The following VWC2L variants were observed in gnomAD, a reference collection of about 807,000 sequenced individuals.
VWC2L encodes the protein von Willebrand factor C domain containing 2 like.
VWC2L carries 10 observed loss-of-function variants against 21.6 expected under a neutral mutation model. The observed-to-expected ratio is 0.46, with a 90% confidence interval of 0.29 to 0.78. The LOEUF is 0.78. VWC2L is among the 30% of genes least tolerant of loss of function. The probability of loss-of-function intolerance (pLI) is 0.10; values close to 1 mark genes in which losing one functional copy is unlikely to be tolerated. For synonymous variants in VWC2L, 96 were observed against 94.3 expected (o/e 1.02, Z -0.10); for missense variants, 209 against 277.1 (o/e 0.75, Z 1.74).
At chr2:214,570,618 C>T (rs887253956) in intron 3 of VWC2L, among the ~76,000 whole-genome samples, 9 of 152,102 alleles carry the variant, frequency 5.9e-5, no homozygotes, top group Non-Finnish European at 1.5e-5. Context: ...CCACCTTGAC[C>T]TCCTAAAGTG....
chr2:214,417,346 G>A (rs201746260), intron 2 of VWC2L, among the ~76,000 whole-genome samples: 75 of 107,660 alleles, frequency 7.0e-4, no homozygotes, highest in Non-Finnish European at 1.3e-3. Flanking sequence ...GAAGAGAGAA[G>A]GGGGAAAAAG....
At chr2:214,566,773 T>C (rs73987410) in intron 3 of VWC2L, among the ~76,000 whole-genome samples, 6,870 of 152,246 alleles carry the variant, frequency 0.045, 528 homozygotes, top group African/African-American at 0.16. Context: ...CTTAGTACAA[T>C]TTTAACTGCA....
intron 3 of VWC2L, among the ~76,000 whole-genome samples, chr2:214,441,388 A>C (rs1363373353): frequency 2.0e-5 from 3 of 152,056 alleles, no homozygotes; most frequent in African/African-American, 7.2e-5. Flanking sequence ...AAGAAAATGA[A>C]TTGTCTAATA....
chr2:214,496,153 T>C (rs943035064), intron 3 of VWC2L, among the ~76,000 whole-genome samples: 1 of 147,428 alleles, frequency 6.8e-6, no homozygotes, highest in East Asian at 2.0e-4. Context: ...AGTATAATAC[T>C]ATAGTGAATA....
chr2:214,431,143 A>G (rs1046332357), intron 2 of VWC2L, among the ~76,000 whole-genome samples: 1 of 152,228 alleles, frequency 6.6e-6, no homozygotes, highest in African/African-American at 2.4e-5. Flanking sequence ...GTGGATGCTA[A>G]ATACTTTTGC....
intron 3 of VWC2L, among the ~76,000 whole-genome samples, chr2:214,459,484 C>G (rs1474280128): frequency 6.6e-6 from 1 of 152,176 alleles, no homozygotes; most frequent in African/African-American, 2.4e-5. Context: ...ATTGTTCCCA[C>G]TTGTTGGTTT....
chr2:214,440,892 T>A (rs1456373995), intron 3 of VWC2L, among the ~76,000 whole-genome samples: 1 of 152,162 alleles, frequency 6.6e-6, no homozygotes. Flanking sequence ...ATTAGCTGGT[T>A]TGTCAGTGAG....
intron 3 of VWC2L, among the ~76,000 whole-genome samples, chr2:214,541,923 T>C (rs553090303): frequency 3.6e-4 from 54 of 151,584 alleles, no homozygotes; most frequent in African/African-American, 1.2e-3. Flanking sequence ...TTTTTTTTTT[T>C]CCCAGAGGTA....
At chr2:214,484,251 A>AG (rs1688645763) in intron 3 of VWC2L, among the ~76,000 whole-genome samples, 1 of 152,172 alleles carries the variant, frequency 6.6e-6, no homozygotes, top group Admixed American at 6.5e-5. Flanking sequence ...GAGGTGCTGA[A>AG]TGGACAAATT....
At chr2:214,499,921 G>A (rs958202191) in intron 3 of VWC2L, among the ~76,000 whole-genome samples, 1 of 152,226 alleles carries the variant, frequency 6.6e-6, no homozygotes, top group Non-Finnish European at 1.5e-5. Flanking sequence ...AAAGTAGGGA[G>A]AGTGAGTTTA....
intron 3 of VWC2L, among the ~76,000 whole-genome samples, chr2:214,543,945 T>G (rs894370168): frequency 6.6e-6 from 1 of 152,216 alleles, no homozygotes; most frequent in African/African-American, 2.4e-5. Context: ...TCTATGAAGA[T>G]CAGAAGGATC....
At chr2:214,501,481 G>A (rs1469680567) in intron 3 of VWC2L, among the ~76,000 whole-genome samples, 2 of 152,110 alleles carry the variant, frequency 1.3e-5, no homozygotes, top group Non-Finnish European at 2.9e-5. Flanking sequence ...CCAGCATTTT[G>A]GGAGTCCGAG....
At chr2:214,467,656 T>A (rs1214051534) in intron 3 of VWC2L, among the ~76,000 whole-genome samples, 2 of 152,170 alleles carry the variant, frequency 1.3e-5, no homozygotes, top group African/African-American at 4.8e-5. Context: ...CAACTTGTAT[T>A]TTTTAACAGA....
In VWC2L at chr2:214,411,375, T is replaced by C. The variant is rs1702266499; in HGVS notation, c.-492T>C. ...CCTCAGAGCCTAGCCAAATCACCTCTACTGCCGTAGCAAACACTGTGTAAG... is the reference window on the plus strand; with the variant it reads ...CCTCAGAGCCTAGCCAAATCACCTCCACTGCCGTAGCAAACACTGTGTAAG... On this transcript the variant is annotated 5_prime_UTR_variant, in exon 1 of 4. Coordinates refer to ENST00000312504, the MANE Select transcript of VWC2L (RefSeq NM_001080500.4). 1 of 152,176 alleles carries C rather than the reference T, an allele frequency of 6.6e-6. No homozygotes were observed. The highest frequency in any genetic ancestry group is 6.5e-5 in the Admixed American group (1 of 15,268). 9.4% of individuals were successfully genotyped at this position (152,176 alleles called of 1,614,324 possible).
rs536590414 is a variant in VWC2L, at chr2:214,470,312, C to G, written c.520+33554C>G. Reference sequence around the variant, plus strand: ...AGGAAAAATTAGAACTAGAACACAACTCTCCTCATTCTCGGGGTCCCATGG... The same window carrying G: ...AGGAAAAATTAGAACTAGAACACAAGTCTCCTCATTCTCGGGGTCCCATGG... On this transcript the variant is annotated intron_variant, in intron 3 of 3. Coordinates refer to ENST00000312504, the MANE Select transcript of VWC2L (RefSeq NM_001080500.4). Among the ~76,000 whole-genome samples the G allele has an allele frequency of 4.6e-5, 7 of 151,360 alleles. No individual in the cohort carries two copies. In the South Asian group the frequency reaches 1.5e-3, roughly 32 times the overall value.
intron 3 of VWC2L, among the ~76,000 whole-genome samples, chr2:214,440,725 C>T (rs1027143579): frequency 6.6e-6 from 1 of 152,098 alleles, no homozygotes; most frequent in Non-Finnish European, 1.5e-5. Context: ...TTCCATTCTT[C>T]AGTTGTTCAT....
intron 1 of VWC2L, among the ~76,000 whole-genome samples, chr2:214,412,070 A>G (rs1483081295): frequency 6.6e-6 from 1 of 152,106 alleles, no homozygotes; most frequent in Admixed American, 6.5e-5. Context: ...TTATATTGAA[A>G]ATAAAATCTT....
intron 3 of VWC2L, among the ~76,000 whole-genome samples, chr2:214,545,419 A>T (rs1559326182): frequency 6.6e-6 from 1 of 152,158 alleles, no homozygotes; most frequent in Non-Finnish European, 1.5e-5. Context: ...CATGACACAA[A>T]TTTTTTTAAC....
rs1702322145 is a variant in VWC2L, at chr2:214,414,309, G to C, written c.116G>C (p.Ser39Thr). The change falls in exon 2 of 4, where the codon AGT becomes ACT. Residue 39 changes from serine (S) to threonine (T), a missense_variant. Ser to Thr is a moderately conservative substitution (Grantham distance 58, BLOSUM62 1). Coordinates refer to ENST00000312504, the MANE Select transcript of VWC2L (RefSeq NM_001080500.4). ...GCTGATGAAGGTGACCAGATCTCCA[G>C]TAATGACAATCTGATCTTTGATGAC... is the stretch of plus-strand genomic sequence containing the variant. Reference protein sequence around the residue: ...YPADEGDQISSNDNLIFDDYR... With the variant: ...YPADEGDQISTNDNLIFDDYR... The C allele has an allele frequency of 6.2e-7, 1 of 1,613,886 alleles. No individual in the cohort carries two copies. The highest frequency in any genetic ancestry group is 1.7e-5 in the Admixed American group (1 of 59,998).
Sources: allele counts gnomAD v4.1 joint callset (sites outside exome capture counted in the v4.1 genomes callset), GRCh38; gene constraint gnomAD v4.1.1; transcripts MANE v1.5; gene names NCBI Gene and HGNC (gene_info 2026-07-23, HGNC 2026-07-21).